Variants in ZC3H18 observed in about 807,000 individuals in gnomAD.
ZC3H18 encodes the protein zinc finger CCCH-type containing 18.
ZC3H18 carries 8 observed loss-of-function variants against 106.1 expected under a neutral mutation model. That is an observed-to-expected ratio of 0.08 (90% CI 0.04 to 0.14). The LOEUF (loss-of-function observed/expected upper bound fraction) is 0.14, where lower values mean the gene tolerates loss of function less well. Ranked by LOEUF, ZC3H18 falls within the 10% of genes least tolerant of loss-of-function variation. ZC3H18 has a pLI of 1.00. For synonymous variants in ZC3H18, 635 were observed against 522.1 expected, an observed-to-expected ratio of 1.22 and a Z score of -2.95; for missense variants, 1,318 against 1,278.4, an observed-to-expected ratio of 1.03 and a Z score of -0.47.
intron 6 of ZC3H18, among the ~76,000 whole-genome samples, chr16:88,601,615 C>G (rs1361786794): frequency 6.6e-6 from 1 of 151,048 alleles, no homozygotes; most frequent in East Asian, 1.9e-4. Context: ...TCCTGGCTCC[C>G]TAGCTTCTCT....
chr16:88,571,610 G>T, intron 1 of ZC3H18: 1 of 985,450 alleles, frequency 1.0e-6, no homozygotes, highest in Non-Finnish European at 1.2e-6. Context: ...CTCTCCCGTT[G>T]TAGGTGGGAC....
intron 2 of ZC3H18, among the ~76,000 whole-genome samples, chr16:88,581,635 C>T (rs545149697): frequency 1.3e-5 from 2 of 152,318 alleles, no homozygotes; most frequent in Admixed American, 6.5e-5. Flanking sequence ...CACCAGCTGA[C>T]CTTCAGTCAC....
chr16:88,621,583 C>CCTGACCTCATGATCCG, intron 8 of ZC3H18, among the ~76,000 whole-genome samples: 1 of 152,032 alleles, frequency 6.6e-6, no homozygotes. Context: ...GTCTCGAACT[C>CCTGACCTCATGATCCG]CTGACCTCAT....
chr16:88,607,469 C>T (rs1259280126), intron 6 of ZC3H18, among the ~76,000 whole-genome samples: 1 of 152,248 alleles, frequency 6.6e-6, no homozygotes, highest in South Asian at 2.1e-4. Context: ...GTAGGAAGGA[C>T]TGACTTGTGG....
intron 8 of ZC3H18, among the ~76,000 whole-genome samples, chr16:88,620,705 C>T (rs1905904796): frequency 2.0e-5 from 3 of 152,038 alleles, no homozygotes; most frequent in South Asian, 2.1e-4. Flanking sequence ...GCACCGCACA[C>T]TGCTGGCTGA....
At chr16:88,607,809 G>C (rs919603076) in intron 6 of ZC3H18, among the ~76,000 whole-genome samples, 3 of 147,440 alleles carry the variant, frequency 2.0e-5, no homozygotes, top group African/African-American at 7.6e-5. Flanking sequence ...CTTCATGTCA[G>C]GCGTCTCCCC....
rs771517098 is a variant in ZC3H18, at chr16:88,577,588, TGAG to T, written c.469_471del (p.Glu157del). On this transcript the variant is annotated inframe_deletion, in exon 2 of 18. Coordinates refer to ENST00000301011, the MANE Select transcript of ZC3H18 (RefSeq NM_144604.4). ...CTGAGAAAGCGGGGGCTGAGGATGA[TGAG>T]GAGAAAGGCGAAGGCACTCCCAGGG... The T allele has an allele frequency of 7.9e-5, 128 of 1,613,390 alleles. No homozygotes were observed. In the Middle Eastern group the frequency reaches 1.7e-3, roughly 21 times the overall value.
rs769578088 is a variant in ZC3H18, at chr16:88,631,152, G to A, written c.2715G>A (p.Val905=). The A allele has an allele frequency of 2.5e-5, 41 of 1,613,334 alleles. No homozygotes were observed. In the South Asian group the frequency reaches 4.5e-4, roughly 18 times the overall value. Residue 905 remains valine (V), a synonymous_variant, in exon 18 of 18, where the codon GTG becomes GTA. Transcript: ENST00000301011. Reference sequence around the variant, plus strand: ...AGAGCTCCAGCAAGGTCACGAGCGTGCCCGGCAAAGCCTCGGATCCCGGCG... The same window carrying A: ...AGAGCTCCAGCAAGGTCACGAGCGTACCCGGCAAAGCCTCGGATCCCGGCG... ...QSKSSSKVTS[V]PGKASDPGAA...
At chr16:88,617,743 C>G (rs536312044) in intron 8 of ZC3H18, among the ~76,000 whole-genome samples, 2 of 152,348 alleles carry the variant, frequency 1.3e-5, no homozygotes, top group African/African-American at 4.8e-5. Context: ...TCACCCCGGG[C>G]TCTTCATTCT....
chr16:88,608,940 G>T lies in ZC3H18; in HGVS notation c.1095G>T (p.Glu365Asp). Reference protein sequence around the residue: ...IPRDVRDTVLEPYADPYYDYE... With the variant: ...IPRDVRDTVLDPYADPYYDYE... ...TTTCATTGGCCCTTTTCAGACTCGA[G>T]CCTTACGCAGACCCTTATTATGACT... The change falls in exon 7 of 18, where the codon GAG becomes GAT. Residue 365 changes from glutamate to aspartate, a missense_variant. Physicochemically the swap from Glu to Asp is conservative, Grantham distance 45. This residue lies in a region of ZC3H18 where 848 missense variants were observed against 821.7 expected (regional missense o/e 1.03). Transcript: ENST00000301011. The T allele has an allele frequency of 1.2e-6, 2 of 1,611,836 alleles. No homozygotes were observed. The highest frequency in any genetic ancestry group is 1.7e-6 in the Non-Finnish European group (2 of 1,178,980).
intron 11 of ZC3H18, 172 bp downstream of exon 11, chr16:88,624,234 C>A (rs1336431462): frequency 2.3e-6 from 2 of 877,110 alleles, no homozygotes; most frequent in Non-Finnish European, 3.4e-6. Flanking sequence ...AGCTCCTGTT[C>A]TCACGGGCCA....
At chr16:88,578,143 AAAG>A (rs1395471031) in intron 2 of ZC3H18, among the ~76,000 whole-genome samples, 1 of 152,220 alleles carries the variant, frequency 6.6e-6, no homozygotes, top group Non-Finnish European at 1.5e-5. Context: ...TTTGGACTGA[AAAG>A]AATGAGGAAA....
At chr16:88,589,314 T>TG (rs1915610139) in intron 3 of ZC3H18, among the ~76,000 whole-genome samples, 1 of 152,180 alleles carries the variant, frequency 6.6e-6, no homozygotes, top group South Asian at 2.1e-4. Context: ...ACTGCAGGTA[T>TG]GCAGCCAAGA....
At position 88,621,471 on chromosome 16, in the gene ZC3H18, G is replaced by A. The variant is rs571650041; in HGVS notation, c.1476-726G>A. ...GATCTCTTGACCTCGTGATTCGCCC[G>A]CCTCGGCCTCCCAAAGTGCTGGGAT... On this transcript the variant is annotated intron_variant, in intron 8 of 17. Transcript: ENST00000301011. Among the ~76,000 whole-genome samples the A allele has an allele frequency of 1.0e-3, 156 of 152,002 alleles. 1 individual carries two copies. The highest frequency in any genetic ancestry group is 3.5e-3 in the African/African-American group (146 of 41,456).
At chr16:88,602,739 C>G (rs1411325020) in intron 6 of ZC3H18, among the ~76,000 whole-genome samples, 2 of 152,154 alleles carry the variant, frequency 1.3e-5, no homozygotes, top group African/African-American at 4.8e-5. Flanking sequence ...TCTCCAACTC[C>G]TGGACTCAAG....
At position 88,627,696 on chromosome 16, in the gene ZC3H18, C is replaced by T. The variant is rs1196173825; in HGVS notation, c.2183C>T (p.Ser728Leu). The change falls in exon 14 of 18, where the codon TCG (serine) becomes TTG (leucine). Residue 728 changes from serine (S) to leucine (L), a missense_variant. This residue lies in a region of ZC3H18 where 848 missense variants were observed against 821.7 expected (regional missense o/e 1.03). Coordinates refer to ENST00000301011, the MANE Select transcript of ZC3H18 (RefSeq NM_144604.4). This position sits in a 1 kb window ranked among gnomAD's most constrained non-coding sequence, Gnocchi z 4.5. ...SSSSSAHSVD[S>L]EDMYADLASP... ...AGCAGCTCTGCACACAGCGTGGACT[C>T]GGAGGACATGTACGCAGACCTGGCT... The T allele has an allele frequency of 1.9e-6, 3 of 1,613,822 alleles. No individual in the cohort carries two copies. Among genetic ancestry groups the T allele is most frequent in the Non-Finnish European group, 2.5e-6 (3 of 1,179,868 alleles).
At chr16:88,598,130 C>T in intron 3 of ZC3H18, 48 bp from the exon 4 acceptor site, 1 of 1,002,504 alleles carries the variant, frequency 1.0e-6, no homozygotes, top group Non-Finnish European at 1.3e-6. Context: ...TGCCCTTGTG[C>T]AATTAGGCTC....
chr16:88,595,277 C>T (rs1235262188), intron 3 of ZC3H18, among the ~76,000 whole-genome samples: 1 of 152,086 alleles, frequency 6.6e-6, no homozygotes, highest in African/African-American at 2.4e-5. Flanking sequence ...GTGGAGGGGC[C>T]GCCTCCGCCC....
rs558051733 is a variant in ZC3H18, at chr16:88,591,339, G to A, written c.688+4655G>A. Reference sequence around the variant, plus strand: ...TGTAATCATAGCACTTTGGGAGGCCGAGGTGGGTGGATCACTCAAGGTTAG... The same window carrying A: ...TGTAATCATAGCACTTTGGGAGGCCAAGGTGGGTGGATCACTCAAGGTTAG... On this transcript the variant is annotated intron_variant, in intron 3 of 17. Transcript: ENST00000301011. 5.3e-5 allele frequency among the ~76,000 whole-genome samples: 8 copies of A among 152,232 alleles called. No individual in the cohort carries two copies. In the South Asian group the frequency reaches 1.2e-3, roughly 24 times the overall value.
Sources: allele counts gnomAD v4.1 joint callset (sites outside exome capture counted in the v4.1 genomes callset), GRCh38; gene constraint gnomAD v4.1.1; regional missense constraint gnomAD v4.1.1; non-coding constraint Gnocchi (gnomAD v3.1); transcripts MANE v1.5; gene names NCBI Gene and HGNC (gene_info 2026-07-23, HGNC 2026-07-21).